COA1: variants seen among roughly 807,000 people sequenced by gnomAD.
The protein encoded by COA1 is cytochrome c oxidase assembly factor 1.
A neutral mutation model predicts 16.0 loss-of-function variants in COA1; 13 were observed. That is an observed-to-expected ratio of 0.81 (90% CI 0.53 to 1.29). The LOEUF (loss-of-function observed/expected upper bound fraction) is 1.29, where lower values mean the gene tolerates loss of function less well. Among genes scored for constraint, COA1 ranks in the 50% most tolerant of loss-of-function variants. COA1 has a pLI of 0.00. For missense variants in COA1, 179 were observed against 177.0 expected (o/e 1.01, Z -0.06); for synonymous variants, 65 against 65.7 (o/e 0.99, Z 0.05).
Position 43,644,710 on chromosome 7 carries a change from TTAGATAGA to T in COA1, c.264+533_264+540del, listed in dbSNP as rs764989171. ...CCTGGCTAAATTATAGATAGATAGA[TTAGATAGA>T]TAGATAGATAGATAGATAGATAGAT... On this transcript the variant is annotated intron_variant, in intron 4 of 5. Coordinates refer to ENST00000223336, the MANE Select transcript of COA1 (RefSeq NM_018224.4). Among the ~76,000 whole-genome samples the T allele has an allele frequency of 5.5e-3, 312 of 56,820 alleles. 4 individuals are homozygous for T. Among genetic ancestry groups the T allele is most frequent in the South Asian group, 0.014 (21 of 1,516 alleles). 37.3% of individuals were successfully genotyped at this position (56,820 alleles called of 152,430 possible). A position where few individuals can be genotyped will look rare whatever the true frequency, so the allele number is the denominator to read the frequency against.
At position 43,722,880 on chromosome 7, in the gene COA1, T is replaced by G. The variant is rs761249173; in HGVS notation, c.-39+6549A>C. On this transcript the variant is annotated intron_variant, in intron 1 of 5. Transcript: ENST00000223336. ...TAAGTCCATCTGGGGACCTTTCCAG[T>G]ACATTTGCAAATGCCAAATGTCTTA... 2.6e-4 allele frequency among the ~76,000 whole-genome samples: 40 copies of G among 152,278 alleles called. 1 individual carries two copies. Among genetic ancestry groups the G allele is most frequent in the Admixed American group, 1.5e-3 (23 of 15,294 alleles).
chr7:43,691,334 A>G (rs1223989612), intron 1 of COA1, among the ~76,000 whole-genome samples: 2 of 49,328 alleles, frequency 4.1e-5, no homozygotes, highest in Non-Finnish European at 7.8e-5. Context: ...AGAAAGAGAA[A>G]GAGAGAGAGG....
chr7:43,678,220 C>T (rs534159747), intron 1 of COA1, among the ~76,000 whole-genome samples: 2 of 152,134 alleles, frequency 1.3e-5, no homozygotes, highest in South Asian at 2.1e-4. Flanking sequence ...TAAGAAATTA[C>T]CAAGTAAAAA....
rs1554501245 is a variant in COA1 at position 43,644,748 on chromosome 7, A to AGATAGATG, written c.264+502_264+503insCATCTATC. ...TAGATAGATAGATAGATAGATAGAT[A>AGATAGATG]GATAGATAGATAGGCAGGCAGGCAG... is the stretch of plus-strand genomic sequence containing the variant. On this transcript the variant is annotated intron_variant, in intron 4 of 5. Transcript: ENST00000223336. Among the ~76,000 whole-genome samples, 203 of 90,336 alleles carry AGATAGATG rather than the reference A, an allele frequency of 2.2e-3. 1 individual carries two copies. The highest frequency in any genetic ancestry group is 4.9e-3 in the Admixed American group (43 of 8,724). 59.3% of individuals were successfully genotyped at this position (90,336 alleles called of 152,430 possible).
chr7:43,719,793 T>C (rs911673335), intron 1 of COA1, among the ~76,000 whole-genome samples: 1 of 152,178 alleles, frequency 6.6e-6, no homozygotes, highest in African/African-American at 2.4e-5. Context: ...ACAGGTTTCC[T>C]TGAATCTATT....
chr7:43,666,451 T>C (rs1385231908), intron 1 of COA1, among the ~76,000 whole-genome samples: 1 of 152,224 alleles, frequency 6.6e-6, no homozygotes, highest in Non-Finnish European at 1.5e-5. Flanking sequence ...TGAAAAATCT[T>C]AACAAGGGCT....
At chr7:43,642,623 T>G (rs2087481546) in intron 4 of COA1, among the ~76,000 whole-genome samples, 1 of 152,084 alleles carries the variant, frequency 6.6e-6, no homozygotes, top group Non-Finnish European at 1.5e-5. Flanking sequence ...GCAAGAAGGA[T>G]TCTGAAGAAG....
intron 6 of COA1, chr7:43,626,923 G>T (rs2084613878): frequency 6.6e-6 from 1 of 152,128 alleles, no homozygotes; most frequent in South Asian, 2.1e-4. Context: ...TACTTGTAAA[G>T]GTGTATTGGC....
At chr7:43,704,066 T>G (rs2094869906) in intron 1 of COA1, among the ~76,000 whole-genome samples, 1 of 152,220 alleles carries the variant, frequency 6.6e-6, no homozygotes, top group Non-Finnish European at 1.5e-5. Flanking sequence ...TATTTTTCTT[T>G]CGCTTATAAA....
At chr7:43,616,021 G>A (rs559209024) in intron 6 of COA1, among the ~76,000 whole-genome samples, 18 of 152,266 alleles carry the variant, frequency 1.2e-4, no homozygotes, top group African/African-American at 3.9e-4. Context: ...GTACTTATTT[G>A]TCTTAAGATG....
chr7:43,630,145 T>C (rs1583928829), intron 6 of COA1, among the ~76,000 whole-genome samples: 1 of 152,118 alleles, frequency 6.6e-6, no homozygotes, highest in South Asian at 2.1e-4. Flanking sequence ...CTAAGGTATT[T>C]AGTATCTGGC....
At chr7:43,623,209 G>A (rs1158007265) in intron 6 of COA1, 5 of 195,318 alleles carry the variant, frequency 2.6e-5, no homozygotes, top group Non-Finnish European at 5.1e-5. Context: ...GGTGAGGGTG[G>A]GGCAATGGAG....
rs1554519873 is a variant in COA1, at chr7:43,663,687, AAC to A, written c.-38-15037_-38-15036del. Among the ~76,000 whole-genome samples, 10 of 129,354 alleles carry A rather than the reference AAC, an allele frequency of 7.7e-5. No homozygotes were observed. In the South Asian group the frequency reaches 2.0e-3, roughly 25 times the overall value. 84.9% of individuals were successfully genotyped at this position (129,354 alleles called of 152,430 possible). ...ATCTCAAAAAAAAAAAAAAAAAAAAAACACACACACAAAAAAAAACCTAAAAC... is the reference window on the plus strand; with the variant it reads ...ATCTCAAAAAAAAAAAAAAAAAAAAAACACACACAAAAAAAAACCTAAAAC... On this transcript the variant is annotated intron_variant, in intron 1 of 5. Coordinates refer to ENST00000223336, the MANE Select transcript of COA1 (RefSeq NM_018224.4).
chr7:43,697,284 T>C (rs2094561054), intron 1 of COA1, among the ~76,000 whole-genome samples: 2 of 152,166 alleles, frequency 1.3e-5, no homozygotes, highest in South Asian at 2.1e-4. Context: ...AAGCATATTA[T>C]ATCACATGGA....
intron 1 of COA1, among the ~76,000 whole-genome samples, chr7:43,688,180 T>C (rs920074832): frequency 1.3e-5 from 2 of 152,168 alleles, no homozygotes; most frequent in African/African-American, 4.8e-5. Context: ...ATCAGCAGCA[T>C]GAAAACAAAC....
chr7:43,662,781 T>C (rs934858494), intron 1 of COA1, among the ~76,000 whole-genome samples: 3 of 152,164 alleles, frequency 2.0e-5, no homozygotes, highest in East Asian at 1.9e-4. Context: ...TAGCAATAGA[T>C]AGAACCCACA....
chr7:43,699,032 G>A (rs1037929480), intron 1 of COA1, among the ~76,000 whole-genome samples: 19 of 152,166 alleles, frequency 1.2e-4, no homozygotes, highest in African/African-American at 3.9e-4. Context: ...TTTTAGCACT[G>A]AAGTGACATC....
intron 6 of COA1, chr7:43,626,061 T>A (rs952672741): frequency 1.3e-5 from 2 of 152,204 alleles, no homozygotes; most frequent in Non-Finnish European, 2.9e-5. Flanking sequence ...GTATGCCGAA[T>A]ACCTTAAAGT....
chr7:43,671,240 A>G (rs1029071076), intron 1 of COA1, among the ~76,000 whole-genome samples: 4 of 152,202 alleles, frequency 2.6e-5, no homozygotes, highest in African/African-American at 7.2e-5. Context: ...TCCTTGATAT[A>G]ACACCAAAAG....
Sources: allele counts gnomAD v4.1 joint callset (sites outside exome capture counted in the v4.1 genomes callset), GRCh38; gene constraint gnomAD v4.1.1; transcripts MANE v1.5; gene names NCBI Gene and HGNC (gene_info 2026-07-23, HGNC 2026-07-21).